EPB41L4A: variants seen among roughly 807,000 people sequenced by gnomAD.
EPB41L4A encodes erythrocyte membrane protein band 4.1 like 4A, also known as band 4.1-like protein 4A.
A neutral mutation model predicts 108.6 loss-of-function variants in EPB41L4A; 100 were observed. The observed-to-expected ratio is 0.92, with a 90% CI of 0.78 to 1.09. EPB41L4A has a LOEUF of 1.09. Ranked by LOEUF, EPB41L4A falls within the 50% of genes least tolerant of loss-of-function variation. The pLI is 0.00. For synonymous variants in EPB41L4A, 319 were observed against 289.0 expected (o/e 1.10, Z -1.05); for missense variants, 1,030 against 842.7 (o/e 1.22, Z -2.75).
intron 1 of EPB41L4A, among the ~76,000 whole-genome samples, chr5:112,350,012 T>C (rs57833268): frequency 0.14 from 21,256 of 152,230 alleles, 1,732 homozygotes; most frequent in East Asian, 0.32. Flanking sequence ...TAGAACAGCA[T>C]TGCCCAACCG....
chr5:112,415,837 G>A (rs778765589), intron 1 of EPB41L4A, among the ~76,000 whole-genome samples: 1 of 152,054 alleles, frequency 6.6e-6, no homozygotes, highest in African/African-American at 2.4e-5. Context: ...TTTAAATCTC[G>A]GATAAGGTTC....
At chr5:112,231,484 C>T (rs932700399) in intron 12 of EPB41L4A, among the ~76,000 whole-genome samples, 4 of 152,146 alleles carry the variant, frequency 2.6e-5, no homozygotes, top group Non-Finnish European at 5.9e-5. Flanking sequence ...ATACATTCCA[C>T]ATTTTAAAAA....
intron 18 of EPB41L4A, among the ~76,000 whole-genome samples, chr5:112,182,412 T>C (rs1000206779): frequency 1.9e-4 from 29 of 152,244 alleles, no homozygotes; most frequent in Non-Finnish European, 3.7e-4. Context: ...TCCCAATTTT[T>C]ATTTACAAAT....
chr5:112,371,582 G>T (rs1163560756), intron 1 of EPB41L4A, among the ~76,000 whole-genome samples: 3 of 152,126 alleles, frequency 2.0e-5, no homozygotes, highest in African/African-American at 7.2e-5. Context: ...ACCCATTCAT[G>T]CAACTCCCAG....
chr5:112,196,447 A>T (rs1208448552), intron 15 of EPB41L4A, among the ~76,000 whole-genome samples: 1 of 152,220 alleles, frequency 6.6e-6, no homozygotes, highest in Non-Finnish European at 1.5e-5. Flanking sequence ...CACTCAACCA[A>T]GATAAGCTGT....
At chr5:112,194,475 G>GA in intron 17 of EPB41L4A, 93 bp downstream of exon 17, 1 of 700,602 alleles carries the variant, frequency 1.4e-6, no homozygotes, top group South Asian at 2.3e-5. Context: ...GACTCAGATG[G>GA]AAAAAACAGA....
intron 12 of EPB41L4A, among the ~76,000 whole-genome samples, chr5:112,231,514 G>A (rs553477165): frequency 1.6e-4 from 25 of 152,084 alleles, no homozygotes; most frequent in African/African-American, 2.4e-4. Context: ...GGCCGGGCGC[G>A]GTGGCTCACG....
At chr5:112,367,903 T>C (rs879688345) in intron 1 of EPB41L4A, among the ~76,000 whole-genome samples, 1 of 150,504 alleles carries the variant, frequency 6.6e-6, no homozygotes, top group Non-Finnish European at 1.5e-5. Context: ...CCAAATACTA[T>C]AACCCAAAAT....
intron 1 of EPB41L4A, among the ~76,000 whole-genome samples, chr5:112,377,216 A>G (rs930175550): frequency 9.4e-5 from 11 of 117,248 alleles, no homozygotes; most frequent in African/African-American, 2.8e-4. Flanking sequence ...TGTTTGTTTG[A>G]AAAAAAAAAA....
In EPB41L4A at chr5:112,418,979, A is replaced by G. The variant is rs1762898425; in HGVS notation, c.61T>C (p.Ser21Pro). The change falls in exon 1 of 23, where the codon TCC becomes CCC. Residue 21 changes from serine (S) to proline (P), a missense_variant. Transcript: ENST00000261486. ...FYCEVLLLDE[S>P]KLTLTTQQQG... ...TGCTGGGTGGTAAGGGTTAACTTGG[A>G]TTCATCCAGGAGCAAAACTTCGCAG... 1 of 1,613,306 alleles carries G rather than the reference A, an allele frequency of 6.2e-7. No homozygotes were observed. The highest frequency in any genetic ancestry group is 1.3e-5 in the African/African-American group (1 of 74,808).
chr5:112,210,914 C>A (rs966592161), intron 12 of EPB41L4A, among the ~76,000 whole-genome samples: 1 of 151,700 alleles, frequency 6.6e-6, no homozygotes, highest in African/African-American at 2.4e-5. Context: ...TAGTTACGGT[C>A]CTTCAATCCA....
intron 2 of EPB41L4A, among the ~76,000 whole-genome samples, chr5:112,280,803 C>CA (rs201748400): frequency 5.9e-5 from 9 of 151,842 alleles, no homozygotes; most frequent in Non-Finnish European, 4.4e-5. Flanking sequence ...ATAATGGCCT[C>CA]AAAAAAAATG....
At chr5:112,288,891 A>G (rs115092945) in intron 2 of EPB41L4A, among the ~76,000 whole-genome samples, 2,098 of 151,796 alleles carry the variant, frequency 0.014, 50 homozygotes, top group African/African-American at 0.047. Context: ...GCAGTGGCGC[A>G]ATCTCGGCTC....
chr5:112,373,612 C>A (rs1027827947), intron 1 of EPB41L4A, among the ~76,000 whole-genome samples: 1 of 152,146 alleles, frequency 6.6e-6, no homozygotes, highest in East Asian at 1.9e-4. Flanking sequence ...CCCCATTTTA[C>A]GAAGAGGAAA....
At chr5:112,322,739 C>T (rs967224781) in intron 1 of EPB41L4A, among the ~76,000 whole-genome samples, 1 of 151,434 alleles carries the variant, frequency 6.6e-6, no homozygotes, top group African/African-American at 2.4e-5. Context: ...CACACACACA[C>T]CCCACACACA....
chr5:112,327,036 T>C (rs2150647890), intron 1 of EPB41L4A, among the ~76,000 whole-genome samples: 1 of 152,264 alleles, frequency 6.6e-6, no homozygotes, highest in Middle Eastern at 3.4e-3. Context: ...AACCTTACAA[T>C]TGTGTCCCCA....
chr5:112,166,818 A>G (rs1024467775), intron 22 of EPB41L4A, among the ~76,000 whole-genome samples: 17 of 152,222 alleles, frequency 1.1e-4, no homozygotes, highest in African/African-American at 4.1e-4. Flanking sequence ...TGTAAAAACC[A>G]TTACTGGCTT....
At chr5:112,347,507 G>A (rs1265104827) in intron 1 of EPB41L4A, among the ~76,000 whole-genome samples, 1 of 152,144 alleles carries the variant, frequency 6.6e-6, no homozygotes, top group Admixed American at 6.5e-5. Context: ...CTATGGGCAT[G>A]ACTTTCCAAG....
At chr5:112,345,722 GTGT>G (rs1757600340) in intron 1 of EPB41L4A, among the ~76,000 whole-genome samples, 1 of 151,204 alleles carries the variant, frequency 6.6e-6, no homozygotes. Context: ...CACGCATGCA[GTGT>G]TGTAGGATGT....
Sources: allele counts gnomAD v4.1 joint callset (sites outside exome capture counted in the v4.1 genomes callset), GRCh38; gene constraint gnomAD v4.1.1; transcripts MANE v1.5; gene names NCBI Gene and HGNC (gene_info 2026-07-23, HGNC 2026-07-21).